The following DRC1 variants were observed in gnomAD, a reference collection of about 807,000 sequenced individuals.
The protein encoded by DRC1 is dynein regulatory complex subunit 1, also known as dynein regulatory complex protein 1.
DRC1 carries 74 observed loss-of-function variants against 98.7 expected under a neutral mutation model. The ratio of observed to expected loss-of-function variants is 0.75; its 90% CI spans 0.62 to 0.91. The LOEUF (loss-of-function observed/expected upper bound fraction) is 0.91. Ranked by LOEUF, DRC1 falls within the 40% of genes least tolerant of loss-of-function variation. DRC1 has a pLI of 0.00. For synonymous variants in DRC1, 336 were observed against 334.1 expected (o/e 1.01, Z -0.06); for missense variants, 875 against 886.0 (o/e 0.99, Z 0.16).
rs561381154 is a variant in DRC1, at chr2:26,447,944, A to G, written c.1397-747A>G. On this transcript the variant is annotated intron_variant, in intron 10 of 16. Transcript: ENST00000288710. ...GTTCTTGCTGTTAATATTTCTCTGG[A>G]CCAGGCGCCGTGGCTCATGCCTGTA... Among the ~76,000 whole-genome samples, 221 of 150,292 alleles carry G rather than the reference A, an allele frequency of 1.5e-3. 1 individual carries two copies. Among genetic ancestry groups the G allele is most frequent in the African/African-American group, 5.1e-3 (209 of 41,000 alleles).
At chr2:26,456,326 C>T (rs1664170226) in intron 16 of DRC1, 135 bp from the exon 17 acceptor site, 4 of 1,068,246 alleles carry the variant, frequency 3.7e-6, no homozygotes, top group Middle Eastern at 2.3e-4. Flanking sequence ...TGTGGGTGTT[C>T]AGCATCTCTC....
Position 26,444,298 on chromosome 2 carries a change from C to G in DRC1, c.1105C>G (p.Leu369Val). 1.2e-6 allele frequency: 2 copies of G among 1,614,220 alleles called. No homozygotes were observed. The highest frequency in any genetic ancestry group is 2.2e-5 in the South Asian group (2 of 91,084). Residue 369 changes from leucine to valine, a missense_variant, in exon 9 of 17, where the codon CTA becomes GTA. Physicochemically the swap from Leu to Val is conservative, Grantham distance 32. Coordinates refer to ENST00000288710, the MANE Select transcript of DRC1 (RefSeq NM_145038.5). ...IKQFQEENQS[L>V]TSDYKRLVMQ... ...GCAGTTTCAGGAGGAGAACCAGTCT[C>G]TAACCTCGGACTACAAACGTCTTGT...
At chr2:26,424,910 C>T (rs556455466) in intron 4 of DRC1, among the ~76,000 whole-genome samples, 16 of 152,180 alleles carry the variant, frequency 1.1e-4, no homozygotes, top group Non-Finnish European at 2.4e-4. Context: ...CGAGATCGCA[C>T]CACTGCACTC....
At chr2:26,411,234 C>A (rs1204097294) in intron 1 of DRC1, among the ~76,000 whole-genome samples, 2 of 152,174 alleles carry the variant, frequency 1.3e-5, no homozygotes, top group Admixed American at 1.3e-4. Context: ...ACAGTATCAG[C>A]CACATATGTC....
intron 4 of DRC1, among the ~76,000 whole-genome samples, chr2:26,425,640 T>G (rs923749292): frequency 6.6e-6 from 1 of 152,198 alleles, no homozygotes; most frequent in Non-Finnish European, 1.5e-5. Context: ...TATCTCATTA[T>G]GGTTTGGATT....
chr2:26,419,444 A>G (rs1232229287), intron 2 of DRC1, among the ~76,000 whole-genome samples: 1 of 152,194 alleles, frequency 6.6e-6, no homozygotes, highest in African/African-American at 2.4e-5. Context: ...TTGAGTAGAA[A>G]CTAGAAAATA....
chr2:26,409,832 CAT>C (rs1251509008), intron 1 of DRC1, among the ~76,000 whole-genome samples: 2 of 151,892 alleles, frequency 1.3e-5, no homozygotes, highest in Non-Finnish European at 2.9e-5. Flanking sequence ...TAGTTCTTGT[CAT>C]GAGTCAGTAA....
Position 26,456,525 on chromosome 2 carries a change from C to A in DRC1, c.*8C>A. 6.2e-7 allele frequency: 1 copy of A among 1,614,080 alleles called. No homozygotes were observed. The highest frequency in any genetic ancestry group is 8.5e-7 in the Non-Finnish European group (1 of 1,179,952). On this transcript the variant is annotated 3_prime_UTR_variant, in exon 17 of 17. Transcript: ENST00000288710. ...CGGGTACCCACAAAATGAGCTGGAC[C>A]GCCAAAGGCTGATGTGTTAGGGCTG... is the stretch of plus-strand genomic sequence containing the variant.
chr2:26,448,526 CG>C, intron 10 of DRC1, 164 bp from the exon 11 acceptor site: 1 of 783,928 alleles, frequency 1.3e-6, no homozygotes, highest in East Asian at 2.7e-5. Context: ...CTTCCCGCCA[CG>C]TAATAGGCTT....
At chr2:26,409,501 T>C (rs1374825639) in intron 1 of DRC1, among the ~76,000 whole-genome samples, 3 of 152,168 alleles carry the variant, frequency 2.0e-5, no homozygotes, top group Admixed American at 6.5e-5. Context: ...ACTGTGAAGA[T>C]GGTGACATGT....
In DRC1 at chr2:26,421,405, G is replaced by A. The variant is rs765588210; in HGVS notation, c.356+5G>A. The A allele has an allele frequency of 1.5e-5, 24 of 1,611,256 alleles. No homozygotes were observed. The highest frequency in any genetic ancestry group is 2.0e-5 in the Non-Finnish European group (24 of 1,177,978). ...AGAGGAGATAAAGCGTCAAAGGTAA[G>A]GACTGTGCTACTCTGCAGCTGGTGG... On this transcript the variant is annotated splice_donor_5th_base_variant and intron_variant, in intron 3 of 16. Transcript: ENST00000288710.
chr2:26,413,343 G>A (rs1678682401), intron 1 of DRC1, among the ~76,000 whole-genome samples: 1 of 152,128 alleles, frequency 6.6e-6, no homozygotes, highest in Admixed American at 6.6e-5. Context: ...TACTTGTAAA[G>A]GCTTTCTGTA....
At chr2:26,432,605 A>G (rs72813835) in intron 7 of DRC1, among the ~76,000 whole-genome samples, 9 of 151,324 alleles carry the variant, frequency 5.9e-5, no homozygotes, top group South Asian at 4.2e-4. Context: ...GAAAGAAAAA[A>G]AAAGAAAGGA....
At chr2:26,452,422 G>T (rs549655889) in intron 13 of DRC1, among the ~76,000 whole-genome samples, 3 of 152,202 alleles carry the variant, frequency 2.0e-5, no homozygotes, top group African/African-American at 7.2e-5. Context: ...ACCACGCCCG[G>T]CTAATTTTTG....
In DRC1 at chr2:26,424,507, G is replaced by T. The variant is rs1572363898; in HGVS notation, c.540+53G>T. 3 of 1,545,362 alleles carry T rather than the reference G, an allele frequency of 1.9e-6. No homozygotes were observed. The East Asian group carries it at 6.8e-5, about 35-fold the overall frequency. On this transcript the variant is annotated intron_variant, in intron 4 of 16. Coordinates refer to ENST00000288710, the MANE Select transcript of DRC1 (RefSeq NM_145038.5). Reference sequence around the variant, plus strand: ...CCACAGGGGATCTGCCTGGGATTTAGCTGGGTTACTGGTTTGCTTTTCCTG... The same window carrying T: ...CCACAGGGGATCTGCCTGGGATTTATCTGGGTTACTGGTTTGCTTTTCCTG...
intron 10 of DRC1, 133 bp downstream of exon 10, chr2:26,445,081 C>T (rs988553504): frequency 3.1e-6 from 3 of 977,736 alleles, no homozygotes; most frequent in Non-Finnish European, 1.5e-6. Context: ...TTTAAGTCTC[C>T]TCTAATTTAT....
At chr2:26,415,800 C>T (rs1043356095) in intron 2 of DRC1, among the ~76,000 whole-genome samples, 2 of 152,086 alleles carry the variant, frequency 1.3e-5, no homozygotes, top group African/African-American at 4.8e-5. Context: ...GGCCTGGTGG[C>T]ACACGCCTGG....
At chr2:26,406,553 G>A (rs1279718257) in intron 1 of DRC1, among the ~76,000 whole-genome samples, 1 of 151,862 alleles carries the variant, frequency 6.6e-6, no homozygotes, top group Non-Finnish European at 1.5e-5. Flanking sequence ...CTACTAAAAA[G>A]ACAAAAAATT....
At chr2:26,439,459 T>C (rs1450906976) in intron 7 of DRC1, among the ~76,000 whole-genome samples, 1 of 152,176 alleles carries the variant, frequency 6.6e-6, no homozygotes, top group Non-Finnish European at 1.5e-5. Flanking sequence ...TTGAAAAGTA[T>C]CTGACATAGA....
Sources: allele counts gnomAD v4.1 joint callset (sites outside exome capture counted in the v4.1 genomes callset), GRCh38; gene constraint gnomAD v4.1.1; transcripts MANE v1.5; gene names NCBI Gene and HGNC (gene_info 2026-07-23, HGNC 2026-07-21).